PGM3: variants seen among roughly 807,000 people sequenced by gnomAD.
The protein encoded by PGM3 is phosphoglucomutase 3, also known as phosphoacetylglucosamine mutase.
In PGM3, 40 loss-of-function variants were observed where a neutral mutation model predicts 66.2. The ratio of observed to expected loss-of-function variants is 0.60; its 90% CI spans 0.47 to 0.79. The LOEUF (loss-of-function observed/expected upper bound fraction) is 0.79. PGM3 is among the 30% of genes least tolerant of loss of function. PGM3 has a pLI of 0.00. For synonymous variants in PGM3, 191 were observed against 224.2 expected, an observed-to-expected ratio of 0.85 and a Z score of 1.32; for missense variants, 537 against 643.4, an observed-to-expected ratio of 0.83 and a Z score of 1.79.
rs58734800 is a variant in PGM3 at position 83,188,963 on chromosome 6, A to G, written c.205-165T>C. On this transcript the variant is annotated intron_variant, in intron 2 of 12. Transcript: ENST00000513973. ...GGACCCTGGATTAGGTATTTTATGTATATATATTACCTCATTAAATCCTCA... is the reference window on the plus strand; with the variant it reads ...GGACCCTGGATTAGGTATTTTATGTGTATATATTACCTCATTAAATCCTCA... 2.1e-3 allele frequency among the ~76,000 whole-genome samples: 318 copies of G among 152,334 alleles called. 1 individual carries two copies. The highest frequency in any genetic ancestry group is 6.4e-3 in the African/African-American group (265 of 41,576).
chr6:83,167,210 C>T lies in PGM3; in HGVS notation c.*2024G>A, dbSNP rs1785942426. The T allele has an allele frequency of 2.2e-6, 2 of 916,478 alleles. No individual in the cohort carries two copies. Among genetic ancestry groups the T allele is most frequent in the Admixed American group, 6.2e-5 (1 of 16,168 alleles). The allele number at this position is 916,478 out of a possible 1,614,324, so 56.8% of individuals were successfully genotyped here. A position where few individuals can be genotyped will look rare whatever the true frequency, so the allele number is the denominator to read the frequency against. ...CTTTGTATATCCTGCCCAAGGGTGC[C>T]GTAAGTATGGCAGAGCCAGCACACT... is the stretch of plus-strand genomic sequence containing the variant. On this transcript the variant is annotated 3_prime_UTR_variant, in exon 13 of 13. Coordinates refer to ENST00000513973, the MANE Select transcript of PGM3 (RefSeq NM_015599.3).
chr6:83,167,480 T>TC lies in PGM3; in HGVS notation c.*1753dup, dbSNP rs1786041265. On this transcript the variant is annotated 3_prime_UTR_variant, in exon 13 of 13. Transcript: ENST00000513973. ...TGTATAAAGCACTTTGTTCCTTTTTTCTGTAGTAATTTTGTGACCTAGTCC... is the reference window on the plus strand; with the variant it reads ...TGTATAAAGCACTTTGTTCCTTTTTTCCTGTAGTAATTTTGTGACCTAGTCC... 1.0e-6 allele frequency: 1 copy of TC among 996,160 alleles called. No individual in the cohort carries two copies. The highest frequency in any genetic ancestry group is 1.2e-6 in the Non-Finnish European group (1 of 837,102). 61.7% of individuals were successfully genotyped at this position (996,160 alleles called of 1,614,324 possible). A position where few individuals can be genotyped will look rare whatever the true frequency, so the allele number is the denominator to read the frequency against.
chr6:83,181,476 C>T lies in PGM3; in HGVS notation c.787+260G>A, dbSNP rs527682071. Reference sequence around the variant, plus strand: ...TTCTGACACATGCCAGTTTGAGAACCACTGCTCTAGAATGCCATTTCCTGA... The same window carrying T: ...TTCTGACACATGCCAGTTTGAGAACTACTGCTCTAGAATGCCATTTCCTGA... On this transcript the variant is annotated intron_variant, in intron 6 of 12. Coordinates refer to ENST00000513973, the MANE Select transcript of PGM3 (RefSeq NM_015599.3). 3.5e-4 allele frequency among the ~76,000 whole-genome samples: 53 copies of T among 152,216 alleles called. 1 individual carries two copies. In the South Asian group the frequency reaches 7.1e-3, roughly 20 times the overall value.
chr6:83,169,477 G>C, intron 12 of PGM3, 154 bp from the exon 13 acceptor site: 2 of 845,356 alleles, frequency 2.4e-6, no homozygotes, highest in Non-Finnish European at 1.8e-6. Flanking sequence ...TCATCTTTCA[G>C]TAACAAATTC....
the PGM3 span, among the ~76,000 whole-genome samples, chr6:83,152,523 G>A: frequency 6.6e-6 from 1 of 151,590 alleles, no homozygotes; most frequent in African/African-American, 2.4e-5. Context: ...GGCCTTGTAT[G>A]TATTTGGATT....
At chr6:83,157,091 C>T (rs1583165486), downstream of PGM3, 33 of 1,278,234 alleles carry the variant, frequency 2.6e-5, no homozygotes, top group East Asian at 7.6e-4. Flanking sequence ...TCCTTTACTA[C>T]AGATAGTTTG....
Position 83,187,025 on chromosome 6 carries a change from A to C in PGM3, c.440T>G (p.Leu147Arg). The C allele has an allele frequency of 6.3e-7, 1 of 1,593,474 alleles. No homozygotes were observed. The highest frequency in any genetic ancestry group is 8.6e-7 in the Non-Finnish European group (1 of 1,161,988). The change falls in exon 4 of 13, where the codon CTA (leucine) becomes CGA (arginine). Residue 147 changes from leucine to arginine, a missense_variant. Coordinates refer to ENST00000513973, the MANE Select transcript of PGM3 (RefSeq NM_015599.3). ...CTACATACCATGGAATTGACCTCCT[A>C]GAACAGTCACACCATCTATTACAGA... ...SQSVIDGVTVLGGQFHDYGLL... is the reference protein window; with the variant it reads ...SQSVIDGVTVRGGQFHDYGLL...
At chr6:83,149,062 A>G in the PGM3 span, among the ~76,000 whole-genome samples, 3 of 152,006 alleles carry the variant, frequency 2.0e-5, no homozygotes, top group South Asian at 2.1e-4. Flanking sequence ...GAAACAGTCT[A>G]TGTTTATACA....
downstream of PGM3, chr6:83,164,582 A>T: frequency 7.3e-7 from 1 of 1,360,990 alleles, no homozygotes; most frequent in Non-Finnish European, 1.0e-6. Flanking sequence ...CATCCAAATC[A>T]CCTTAAACAA....
chr6:83,169,750 G>A (rs764559898), intron 12 of PGM3: 5 of 458,082 alleles, frequency 1.1e-5, no homozygotes, highest in East Asian at 1.4e-4. Context: ...CCTATTCAGC[G>A]CACTCACTGT....
At chr6:83,183,984 G>T (rs1788390062) in intron 4 of PGM3, among the ~76,000 whole-genome samples, 1 of 152,016 alleles carries the variant, frequency 6.6e-6, no homozygotes, top group Non-Finnish European at 1.5e-5. Flanking sequence ...CCAAAATGCT[G>T]GGATTACAGG....
At chr6:83,156,161 A>T (rs1782738032), downstream of PGM3, 8 of 1,411,138 alleles carry the variant, frequency 5.7e-6, no homozygotes, top group Non-Finnish European at 6.8e-6. Context: ...GTTCCTTAGA[A>T]AATACTTCTC....
intron 1 of PGM3, among the ~76,000 whole-genome samples, chr6:83,192,073 T>C (rs550585120): frequency 6.6e-6 from 1 of 151,744 alleles, no homozygotes; most frequent in South Asian, 2.1e-4. Context: ...AAGACCAGCC[T>C]GACCAACATG....
At chr6:83,152,471 T>C in the PGM3 span, 4 of 477,742 alleles carry the variant, frequency 8.4e-6, no homozygotes, top group South Asian at 2.4e-4. Context: ...GAAACTATTT[T>C]GTGCTTCTAG....
At chr6:83,181,715 T>C (rs557750581) in intron 6 of PGM3, 21 bp downstream of exon 6, 12 of 1,543,014 alleles carry the variant, frequency 7.8e-6, no homozygotes, top group Non-Finnish European at 1.1e-5. Context: ...AACAAATTTT[T>C]GCAGTGCTAG....
At position 83,170,415 on chromosome 6, in the gene PGM3, A is replaced by G; in HGVS notation, c.1429T>C (p.Leu477=). Residue 477 remains leucine (L), a synonymous_variant, in exon 12 of 13, where the codon TTA becomes CTA. Coordinates refer to ENST00000513973, the MANE Select transcript of PGM3 (RefSeq NM_015599.3). ...ACCAGGTCATTGATTGCCTCCTGTA[A>G]TCCTGGGGGTGTAACTGCTTGTCTT... ...AERQAVTPPG[L]QEAINDLVKK... is the part of the protein sequence containing the mutation. The G allele has an allele frequency of 6.2e-7, 1 of 1,614,054 alleles. No individual in the cohort carries two copies. The highest frequency in any genetic ancestry group is 1.1e-5 in the South Asian group (1 of 91,076).
At chr6:83,169,575 T>C in intron 12 of PGM3, 1 of 495,246 alleles carries the variant, frequency 2.0e-6, no homozygotes, top group South Asian at 2.0e-5. Flanking sequence ...ATAGCTATCA[T>C]TCCACAACTG....
intron 6 of PGM3, 116 bp from the exon 7 acceptor site, chr6:83,180,083 T>A: frequency 1.4e-6 from 1 of 717,284 alleles, no homozygotes; most frequent in South Asian, 2.5e-5. Flanking sequence ...TTAAATAGTG[T>A]ATAATCTTTA....
At chr6:83,153,263 TTC>T in the PGM3 span, 2 of 267,786 alleles carry the variant, frequency 7.5e-6, no homozygotes, top group Non-Finnish European at 1.4e-5. Flanking sequence ...TTGAACTCTT[TTC>T]TTTTTTGTAC....
Sources: allele counts gnomAD v4.1 joint callset (sites outside exome capture counted in the v4.1 genomes callset), GRCh38; gene constraint gnomAD v4.1.1; transcripts MANE v1.5; gene names NCBI Gene and HGNC (gene_info 2026-07-23, HGNC 2026-07-21).